Variants in DMD observed in about 807,000 individuals in gnomAD.
The protein encoded by DMD is dystrophin, also known as mutant dystrophin.
In DMD, 63 loss-of-function variants were observed where a neutral mutation model predicts 330.1. That is an observed-to-expected ratio of 0.19 (90% confidence interval 0.16 to 0.24). DMD has a LOEUF of 0.24. Among genes scored for constraint, DMD ranks in the 10% least tolerant of loss-of-function variants. The pLI, the probability that DMD is intolerant of heterozygous loss-of-function variation, is 1.00. For synonymous variants in DMD, 1,223 were observed against 959.8 expected (o/e 1.27, Z -5.07); for missense variants, 3,344 against 2,684.1 (o/e 1.25, Z -5.43).
At chrX:33,225,884 C>CA (rs898809230) in intron 1 of DMD, among the ~76,000 whole-genome samples, 1 of 110,362 alleles carries the variant, frequency 9.1e-6, no homozygotes, top group African/African-American at 3.3e-5. Flanking sequence ...AAAATAGACA[C>CA]AAAAAAATCC....
intron 7 of DMD, among the ~76,000 whole-genome samples, chrX:32,764,503 T>C (rs747603859): frequency 7.0e-4 from 78 of 111,351 alleles, no homozygotes; most frequent in Non-Finnish European, 1.3e-3. Context: ...ACTTTATCTA[T>C]GCATTTTACT....
intron 2 of DMD, among the ~76,000 whole-genome samples, chrX:32,913,967 T>C (rs1327879897): frequency 9.0e-6 from 1 of 111,595 alleles, no homozygotes; most frequent in Non-Finnish European, 1.9e-5. Flanking sequence ...TTTTCCCCCG[T>C]TTTTCCTTAC....
intron 2 of DMD, among the ~76,000 whole-genome samples, chrX:32,906,891 A>G: frequency 8.9e-6 from 1 of 111,836 alleles, no homozygotes; most frequent in Admixed American, 9.5e-5. Context: ...TGGATTCTAT[A>G]TAAATATTAT....
chrX:32,194,170 G>A (rs1201257623), intron 44 of DMD, among the ~76,000 whole-genome samples: 1 of 112,332 alleles, frequency 8.9e-6, no homozygotes, highest in African/African-American at 3.2e-5. Flanking sequence ...AATTTCAACT[G>A]TTGATATAAT....
intron 1 of DMD, among the ~76,000 whole-genome samples, chrX:33,064,517 AT>A (rs1184060523): frequency 4.5e-4 from 51 of 112,567 alleles, no homozygotes; most frequent in Admixed American, 4.5e-3. Flanking sequence ...AATATACTTG[AT>A]TAAAATAAGT....
chrX:32,567,704 TA>T (rs768774156), intron 15 of DMD, among the ~76,000 whole-genome samples: 3 of 112,555 alleles, frequency 2.7e-5, no homozygotes, highest in Non-Finnish European at 5.6e-5. Context: ...GCCCAATAGA[TA>T]GGTTTTGCAT....
chrX:31,371,457 T>G (rs1312173410), intron 60 of DMD, among the ~76,000 whole-genome samples: 2 of 111,981 alleles, frequency 1.8e-5, no homozygotes, highest in Admixed American at 9.5e-5. Flanking sequence ...AAACTAAGAA[T>G]TATTTTTTAT....
intron 49 of DMD, among the ~76,000 whole-genome samples, chrX:31,834,212 C>A (rs2093139244): frequency 9.0e-6 from 1 of 111,444 alleles, no homozygotes; most frequent in South Asian, 3.8e-4. Flanking sequence ...TTGATCCATG[C>A]AGAGATTTAA....
At chrX:32,733,011 G>C (rs1307317573) in intron 7 of DMD, among the ~76,000 whole-genome samples, 2 of 110,604 alleles carry the variant, frequency 1.8e-5, no homozygotes, top group Non-Finnish European at 3.8e-5. Context: ...CTGTATTCAG[G>C]AAACCCATCT....
intron 44 of DMD, among the ~76,000 whole-genome samples, chrX:32,092,238 T>G: frequency 8.9e-6 from 1 of 111,894 alleles, no homozygotes; most frequent in Non-Finnish European, 1.9e-5. Context: ...GAGCTCCTGG[T>G]TAACATCTGA....
At chrX:33,218,850 C>T (rs1201387911) in intron 1 of DMD, among the ~76,000 whole-genome samples, 1 of 111,458 alleles carries the variant, frequency 9.0e-6, no homozygotes, top group East Asian at 2.8e-4. Context: ...TCTTTCTGCA[C>T]ACAGATTTCC....
chrX:32,413,783 C>A (rs977174123), intron 29 of DMD, among the ~76,000 whole-genome samples: 1 of 100,957 alleles, frequency 9.9e-6, no homozygotes, highest in Non-Finnish European at 2.0e-5. Flanking sequence ...TGCAGTGGCA[C>A]AATCTCTGCT....
chrX:31,254,509 A>G (rs758932107), intron 63 of DMD, among the ~76,000 whole-genome samples: 55 of 110,630 alleles, frequency 5.0e-4, no homozygotes, highest in Non-Finnish European at 7.7e-4. Context: ...GGCACATGCC[A>G]CCATGCTCGG....
At chrX:32,840,290 T>A (rs1041796745) in intron 4 of DMD, among the ~76,000 whole-genome samples, 4 of 112,097 alleles carry the variant, frequency 3.6e-5, no homozygotes, top group Admixed American at 1.9e-4. Context: ...AAATGTGGCC[T>A]TCCCTGAAGA....
rs750100500 is a variant in DMD at position 31,713,781 on chromosome X, C to T, written c.7660+15850G>A. Among the ~76,000 whole-genome samples the T allele has an allele frequency of 2.1e-4, 24 of 111,808 alleles. 1 individual carries two copies. The South Asian group carries it at 5.6e-3, about 26-fold the overall frequency. Reference sequence around the variant, plus strand: ...GTATCATGGTTTCCTTGGAACACCACATAATTCCTAGCCCCAATACCTTGC... The same window carrying T: ...GTATCATGGTTTCCTTGGAACACCATATAATTCCTAGCCCCAATACCTTGC... On this transcript the variant is annotated intron_variant, in intron 52 of 78. Transcript: ENST00000357033.
intron 7 of DMD, among the ~76,000 whole-genome samples, chrX:32,790,258 G>T (rs1349069864): frequency 1.8e-5 from 2 of 111,933 alleles, no homozygotes; most frequent in East Asian, 2.8e-4. Context: ...AGAAGGAAAT[G>T]AGGCACTCTA....
chrX:31,949,324 C>A lies in DMD; in HGVS notation c.6615-17097G>T, dbSNP rs769414028. Among the ~76,000 whole-genome samples the A allele has an allele frequency of 2.7e-5, 3 of 111,342 alleles. No individual in the cohort carries two copies. The Admixed American group carries it at 2.9e-4, about 11-fold the overall frequency. On this transcript the variant is annotated intron_variant, in intron 45 of 78. Transcript: ENST00000357033. Reference sequence around the variant, plus strand: ...TCCCATTTATTTAGATTTTTAATTTCTCTCAGCAATGTATTACAGTTTTCA... The same window carrying A: ...TCCCATTTATTTAGATTTTTAATTTATCTCAGCAATGTATTACAGTTTTCA...
chrX:32,522,765 C>A (rs772926362), intron 17 of DMD, among the ~76,000 whole-genome samples: 151 of 112,092 alleles, frequency 1.3e-3, no homozygotes, highest in Non-Finnish European at 2.0e-3. Flanking sequence ...TGTTCCTCCT[C>A]CAATGGAATA....
chrX:32,931,850 C>T (rs750252900), intron 2 of DMD, among the ~76,000 whole-genome samples: 1 of 111,560 alleles, frequency 9.0e-6, no homozygotes, highest in East Asian at 2.8e-4. Context: ...AGGTTTGAAA[C>T]TCCAATATCT....
Sources: allele counts gnomAD v4.1 joint callset (sites outside exome capture counted in the v4.1 genomes callset), GRCh38; gene constraint gnomAD v4.1.1; transcripts MANE v1.5; gene names NCBI Gene and HGNC (gene_info 2026-07-23, HGNC 2026-07-21).